Variants in AGMO observed in about 807,000 individuals in gnomAD.
AGMO encodes alkylglycerol monooxygenase.
AGMO carries 75 observed loss-of-function variants against 60.2 expected under a neutral mutation model. The ratio of observed to expected loss-of-function variants is 1.25; its 90% CI spans 1.03 to 1.51. The LOEUF is 1.51. AGMO is among the 40% of genes most tolerant of loss of function. The pLI, the probability that AGMO is intolerant of heterozygous loss-of-function variation, is 0.00. For missense variants in AGMO, 763 were observed against 525.5 expected (o/e 1.45, Z -4.42); for synonymous variants, 261 against 177.1 (o/e 1.47, Z -3.76).
downstream of AGMO, among the ~76,000 whole-genome samples, chr7:15,199,254 G>A (rs1201946415): frequency 6.6e-6 from 1 of 152,094 alleles, no homozygotes; most frequent in Non-Finnish European, 1.5e-5. Flanking sequence ...TTTGTATCTT[G>A]AAAATATCTG....
chr7:15,327,334 G>A (rs1781371060), intron 12 of AGMO, among the ~76,000 whole-genome samples: 2 of 152,140 alleles, frequency 1.3e-5, no homozygotes, highest in African/African-American at 4.8e-5. Flanking sequence ...TGTTGGAGAA[G>A]ACCAAACATC....
intron 12 of AGMO, among the ~76,000 whole-genome samples, chr7:15,239,110 G>C (rs1240483047): frequency 6.6e-6 from 1 of 152,068 alleles, no homozygotes; most frequent in Non-Finnish European, 1.5e-5. Flanking sequence ...TGCCCTCAAT[G>C]TTATTGAATG....
At chr7:15,397,482 C>A (rs940791857) in intron 5 of AGMO, among the ~76,000 whole-genome samples, 1 of 152,138 alleles carries the variant, frequency 6.6e-6, no homozygotes, top group Non-Finnish European at 1.5e-5. Context: ...AAGGGCTCCT[C>A]GAGCGCGGCC....
intron 3 of AGMO, among the ~76,000 whole-genome samples, chr7:15,540,225 G>T (rs1287034601): frequency 1.3e-5 from 2 of 152,164 alleles, no homozygotes; most frequent in South Asian, 4.1e-4. Context: ...CTAAGACTCA[G>T]ACATCTCTGG....
At chr7:15,441,534 G>T (rs1423400299) in intron 3 of AGMO, among the ~76,000 whole-genome samples, 1 of 152,110 alleles carries the variant, frequency 6.6e-6, no homozygotes, top group Non-Finnish European at 1.5e-5. Context: ...AGTATTTAAT[G>T]ACATATATTT....
At chr7:15,310,384 T>C (rs551633693) in intron 12 of AGMO, among the ~76,000 whole-genome samples, 1 of 152,268 alleles carries the variant, frequency 6.6e-6, no homozygotes, top group South Asian at 2.1e-4. Flanking sequence ...TTCTATCCTT[T>C]GCCAGAAATA....
In AGMO at chr7:15,544,810, A is replaced by T. The variant is rs781461201; in HGVS notation, c.371T>A (p.Val124Asp). ...ATGGAACCAGTAGTAGCCAAAGTCA[A>T]CTCCTAAGAAGGCTGAATACCAAGT... ...PWTWYSAFLG[V>D]DFGYYWFHRM... is the part of the protein sequence containing the mutation. The change falls in exon 3 of 13, where the codon GTT becomes GAT. Residue 124 changes from valine to aspartate, a missense_variant. Transcript: ENST00000342526. 1.2e-6 allele frequency: 2 copies of T among 1,608,036 alleles called. No homozygotes were observed. The highest frequency in any genetic ancestry group is 4.5e-5 in the East Asian group (2 of 44,564).
the AGMO span, among the ~76,000 whole-genome samples, chr7:15,165,903 C>A: frequency 0.018 from 2,670 of 152,076 alleles, 81 homozygotes; most frequent in African/African-American, 0.06. Flanking sequence ...TTATTGTGTA[C>A]TCATACAAGA....
chr7:15,316,317 G>T (rs1256102657), intron 12 of AGMO, among the ~76,000 whole-genome samples: 1 of 152,106 alleles, frequency 6.6e-6, no homozygotes, highest in Non-Finnish European at 1.5e-5. Flanking sequence ...CTGATGTAGG[G>T]CAATTGGCTT....
At chr7:15,520,719 T>C (rs542796505) in intron 3 of AGMO, among the ~76,000 whole-genome samples, 2 of 152,220 alleles carry the variant, frequency 1.3e-5, no homozygotes, top group African/African-American at 4.8e-5. Context: ...GGAAAATTTA[T>C]AGCACTAAAT....
intron 4 of AGMO, among the ~76,000 whole-genome samples, chr7:15,422,376 A>C (rs1248661460): frequency 2.0e-5 from 3 of 152,064 alleles, no homozygotes; most frequent in Non-Finnish European, 4.4e-5. Context: ...TGATAGCACA[A>C]AGTCCAAGAG....
intron 3 of AGMO, among the ~76,000 whole-genome samples, chr7:15,432,382 A>ATATATAT (rs1781279588): frequency 6.8e-6 from 1 of 147,870 alleles, no homozygotes; most frequent in South Asian, 2.1e-4. Flanking sequence ...ATATATATAC[A>ATATATAT]CTATCTGGGT....
chr7:15,529,799 TATATATATTCTATATATATATTTCC>T lies in AGMO; in HGVS notation c.409+14948_409+14972del, dbSNP rs1303464110. Among the ~76,000 whole-genome samples the T allele has an allele frequency of 1.0e-2, 661 of 66,280 alleles. 225 individuals are homozygous for T. The highest frequency in any genetic ancestry group is 0.05 in the African/African-American group (634 of 12,648). 43.5% of individuals were successfully genotyped at this position (66,280 alleles called of 152,430 possible). A position where few individuals can be genotyped will look rare whatever the true frequency, so the allele number is the denominator to read the frequency against. On this transcript the variant is annotated intron_variant, in intron 3 of 12. Coordinates refer to ENST00000342526, the MANE Select transcript of AGMO (RefSeq NM_001004320.2). Reference sequence around the variant, plus strand: ...ATATTTCTCTATATATATTTCTCTATATATATATTCTATATATATATTTCCATATATATTCTATATACATATTTCC... The same window carrying T: ...ATATTTCTCTATATATATTTCTCTATATATATATTCTATATACATATTTCC...
chr7:15,351,739 G>C (rs1460591737), intron 12 of AGMO, among the ~76,000 whole-genome samples: 1 of 152,162 alleles, frequency 6.6e-6, no homozygotes, highest in Non-Finnish European at 1.5e-5. Context: ...ATTTATAGCA[G>C]CTTATCAAAT....
intron 3 of AGMO, among the ~76,000 whole-genome samples, chr7:15,528,416 T>G (rs1784182363): frequency 6.6e-6 from 1 of 152,074 alleles, no homozygotes; most frequent in East Asian, 1.9e-4. Context: ...TACACTTGTG[T>G]TACCATACAT....
At chr7:15,391,675 A>C (rs1416446483) in intron 6 of AGMO, among the ~76,000 whole-genome samples, 1 of 152,084 alleles carries the variant, frequency 6.6e-6, no homozygotes, top group Non-Finnish European at 1.5e-5. Flanking sequence ...ACAAAGAAAA[A>C]TCTCCCATAG....
In AGMO at chr7:15,487,144, A is replaced by G. The variant is rs572349778; in HGVS notation, c.410-56036T>C. ...ATGTTGGGTGAAAGTTCCCTATCAA[A>G]TATTTTTAAATAAAAAGTTATATTT... On this transcript the variant is annotated intron_variant, in intron 3 of 12. Coordinates refer to ENST00000342526, the MANE Select transcript of AGMO (RefSeq NM_001004320.2). Among the ~76,000 whole-genome samples, 20 of 152,368 alleles carry G rather than the reference A, an allele frequency of 1.3e-4. No homozygotes were observed. In the South Asian group the frequency reaches 3.1e-3, roughly 24 times the overall value.
intron 3 of AGMO, among the ~76,000 whole-genome samples, chr7:15,449,695 G>A (rs1383943808): frequency 6.6e-6 from 1 of 152,144 alleles, no homozygotes; most frequent in Non-Finnish European, 1.5e-5. Context: ...TTACAGTGCA[G>A]TATATCTGTT....
the AGMO span, among the ~76,000 whole-genome samples, chr7:15,129,115 G>A: frequency 6.6e-6 from 1 of 152,046 alleles, no homozygotes; most frequent in Non-Finnish European, 1.5e-5. Context: ...AGGTAAGAGA[G>A]GGGGAAAGGA....
Sources: allele counts gnomAD v4.1 joint callset (sites outside exome capture counted in the v4.1 genomes callset), GRCh38; gene constraint gnomAD v4.1.1; transcripts MANE v1.5; gene names NCBI Gene and HGNC (gene_info 2026-07-23, HGNC 2026-07-21).